MACROD2: variants seen among roughly 807,000 people sequenced by gnomAD.
MACROD2 encodes the protein mono-ADP ribosylhydrolase 2, also known as ADP-ribose glycohydrolase MACROD2.
MACROD2 carries 36 observed loss-of-function variants against 70.4 expected under a neutral mutation model. The ratio of observed to expected loss-of-function variants is 0.51; its 90% CI spans 0.39 to 0.68. MACROD2 has a LOEUF of 0.68. Among genes scored for constraint, MACROD2 ranks in the 30% least tolerant of loss-of-function variants. MACROD2 has a pLI of 0.00. For missense variants in MACROD2, 496 were observed against 538.4 expected (o/e 0.92, Z 0.78); for synonymous variants, 172 against 178.8 (o/e 0.96, Z 0.30).
intron 8 of MACROD2, among the ~76,000 whole-genome samples, chr20:15,604,389 G>A (rs1456255709): frequency 1.3e-5 from 2 of 152,158 alleles, no homozygotes; most frequent in Admixed American, 1.3e-4. Context: ...GAATGCCTGT[G>A]CCCAAGCACT....
In MACROD2 at chr20:14,485,167, G is replaced by GAC. The variant is rs902888990; in HGVS notation, c.272-8300_272-8299dup. Among the ~76,000 whole-genome samples, 6 of 151,610 alleles carry GAC rather than the reference G, an allele frequency of 4.0e-5. No individual in the cohort carries two copies. The East Asian group carries it at 1.2e-3, about 29-fold the overall frequency. On this transcript the variant is annotated intron_variant, in intron 3 of 17. Coordinates refer to ENST00000684519, the MANE Select transcript of MACROD2 (RefSeq NM_001351661.2). ...ATGTGGATACACACACACATACACA[G>GAC]ACACACACACACAAACACACAAATT...
At chr20:15,558,524 G>T (rs1021494056) in intron 8 of MACROD2, among the ~76,000 whole-genome samples, 1 of 152,238 alleles carries the variant, frequency 6.6e-6, no homozygotes, top group Non-Finnish European at 1.5e-5. Flanking sequence ...AAGGTGCTGG[G>T]GTTCCCCCAA....
At chr20:14,296,903 C>T (rs890025055) in intron 3 of MACROD2, among the ~76,000 whole-genome samples, 1 of 151,876 alleles carries the variant, frequency 6.6e-6, no homozygotes, top group Non-Finnish European at 1.5e-5. Flanking sequence ...TGATGGCAAC[C>T]CTGCATCAAG....
At chr20:15,981,406 TG>T (rs1308819589) in intron 13 of MACROD2, among the ~76,000 whole-genome samples, 34 of 152,328 alleles carry the variant, frequency 2.2e-4, no homozygotes, top group Non-Finnish European at 3.2e-4. Context: ...TTGTTGTTGT[TG>T]TTGTTTAGCT....
intron 3 of MACROD2, among the ~76,000 whole-genome samples, chr20:14,483,485 C>T (rs183611867): frequency 6.6e-6 from 1 of 152,220 alleles, no homozygotes; most frequent in East Asian, 1.9e-4. Context: ...TGGCTCACCG[C>T]AACCTCCACC....
intron 6 of MACROD2, among the ~76,000 whole-genome samples, chr20:15,371,735 AT>A (rs1419318533): frequency 6.6e-6 from 1 of 152,164 alleles, no homozygotes; most frequent in African/African-American, 2.4e-5. Context: ...ATGGATAAAT[AT>A]TTTTTAAAAA....
intron 3 of MACROD2, among the ~76,000 whole-genome samples, chr20:14,226,449 GC>G (rs964027315): frequency 2.5e-4 from 38 of 152,326 alleles, no homozygotes; most frequent in African/African-American, 9.1e-4. Context: ...CACTGTGTGA[GC>G]CCCTTTCTGG....
At chr20:15,037,380 G>A (rs1055193503) in intron 5 of MACROD2, among the ~76,000 whole-genome samples, 9 of 152,170 alleles carry the variant, frequency 5.9e-5, no homozygotes, top group African/African-American at 1.7e-4. Flanking sequence ...TTTCTGGCAC[G>A]ATAATACAGG....
At chr20:15,509,352 A>T (rs377320987) in intron 8 of MACROD2, among the ~76,000 whole-genome samples, 7 of 152,208 alleles carry the variant, frequency 4.6e-5, no homozygotes, top group South Asian at 4.1e-4. Context: ...GCCAGTGCTG[A>T]GGAGAGACTA....
intron 10 of MACROD2, among the ~76,000 whole-genome samples, chr20:15,909,667 G>A (rs996536197): frequency 6.6e-6 from 1 of 151,492 alleles, no homozygotes; most frequent in African/African-American, 2.4e-5. Flanking sequence ...GGGACTACAG[G>A]CGCCCGCCAC....
chr20:14,292,346 G>T (rs1253141532), intron 3 of MACROD2, among the ~76,000 whole-genome samples: 1 of 151,868 alleles, frequency 6.6e-6, no homozygotes, highest in African/African-American at 2.4e-5. Flanking sequence ...GGGTTGGGTG[G>T]AGGTGGTGTT....
intron 8 of MACROD2, among the ~76,000 whole-genome samples, chr20:15,801,742 A>G (rs1164450077): frequency 1.3e-5 from 2 of 152,054 alleles, no homozygotes; most frequent in East Asian, 1.9e-4. Context: ...GAAAAATATC[A>G]TTGGCATTTT....
intron 5 of MACROD2, among the ~76,000 whole-genome samples, chr20:15,217,144 T>C (rs1367981971): frequency 6.6e-6 from 1 of 152,166 alleles, no homozygotes; most frequent in East Asian, 1.9e-4. Flanking sequence ...ACCAGTAATA[T>C]GTCAGTTCTG....
intron 5 of MACROD2, among the ~76,000 whole-genome samples, chr20:14,915,821 A>G (rs1375076465): frequency 2.6e-5 from 4 of 152,196 alleles, no homozygotes; most frequent in African/African-American, 9.7e-5. Flanking sequence ...AAGCTGTGAC[A>G]TTAAGGTAGC....
chr20:14,687,848 A>G (rs757288149), intron 5 of MACROD2, among the ~76,000 whole-genome samples: 1 of 152,244 alleles, frequency 6.6e-6, no homozygotes, highest in Non-Finnish European at 1.5e-5. Flanking sequence ...TATTAAAAGC[A>G]TAAAGGAAAG....
intron 8 of MACROD2, among the ~76,000 whole-genome samples, chr20:15,848,973 G>T (rs952573207): frequency 6.6e-6 from 1 of 152,218 alleles, no homozygotes; most frequent in South Asian, 2.1e-4. Context: ...GGCATTTAAA[G>T]AGAGAGATGA....
intron 5 of MACROD2, among the ~76,000 whole-genome samples, chr20:14,820,902 T>C (rs569691115): frequency 1.3e-5 from 2 of 152,206 alleles, no homozygotes; most frequent in East Asian, 3.9e-4. Flanking sequence ...TGTCAGTTTT[T>C]CATTATGCCC....
chr20:14,789,579 G>A (rs946523121), intron 5 of MACROD2, among the ~76,000 whole-genome samples: 2 of 143,044 alleles, frequency 1.4e-5, no homozygotes, highest in African/African-American at 2.6e-5. Context: ...AGGTTCATGC[G>A]ATTCTCCTGC....
intron 2 of MACROD2, among the ~76,000 whole-genome samples, chr20:14,062,661 T>C (rs972158280): frequency 1.1e-4 from 17 of 152,146 alleles, no homozygotes; most frequent in African/African-American, 4.1e-4. Context: ...GTTTAACTTA[T>C]GCCAGGGGAG....
Sources: allele counts gnomAD v4.1 joint callset (sites outside exome capture counted in the v4.1 genomes callset), GRCh38; gene constraint gnomAD v4.1.1; transcripts MANE v1.5; gene names NCBI Gene and HGNC (gene_info 2026-07-23, HGNC 2026-07-21).